Variants in SLC26A3 observed in about 807,000 individuals in gnomAD.
The protein encoded by SLC26A3 is chloride anion exchanger.
A neutral mutation model predicts 85.6 loss-of-function variants in SLC26A3; 64 were observed. That is an observed-to-expected ratio of 0.75 (90% CI 0.61 to 0.92). SLC26A3 has a LOEUF of 0.92. SLC26A3 is among the 40% of genes least tolerant of loss of function. SLC26A3 has a pLI of 0.00. For synonymous variants in SLC26A3, 349 were observed against 336.0 expected, an observed-to-expected ratio of 1.04 and a Z score of -0.42; for missense variants, 922 against 927.3, an observed-to-expected ratio of 0.99 and a Z score of 0.07.
intron 1 of SLC26A3, among the ~76,000 whole-genome samples, chr7:107,799,120 G>T (rs183080097): frequency 6.6e-6 from 1 of 152,210 alleles, no homozygotes; most frequent in East Asian, 1.9e-4. Context: ...GGAGGGGAGG[G>T]GTCTCAGCAC....
intron 20 of SLC26A3, among the ~76,000 whole-genome samples, chr7:107,766,241 G>A (rs1793912996): frequency 6.6e-6 from 1 of 152,056 alleles, no homozygotes. Context: ...GGTGTTAAAT[G>A]TTTCTTTTTT....
intron 1 of SLC26A3, among the ~76,000 whole-genome samples, chr7:107,797,692 A>G (rs1794532230): frequency 6.7e-6 from 1 of 149,772 alleles, no homozygotes; most frequent in Admixed American, 6.6e-5. Flanking sequence ...ATAGTCATAA[A>G]TTAATGACAT....
chr7:107,791,993 C>T (rs1025961046), intron 3 of SLC26A3, 53 bp from the exon 4 acceptor site: 3 of 1,069,132 alleles, frequency 2.8e-6, no homozygotes, highest in Non-Finnish European at 4.4e-6. Context: ...GAATCAAAGA[C>T]ATTCTCATTT....
At chr7:107,790,249 G>A (rs1194028804) in intron 5 of SLC26A3, among the ~76,000 whole-genome samples, 3 of 152,138 alleles carry the variant, frequency 2.0e-5, no homozygotes, top group East Asian at 1.9e-4. Flanking sequence ...CGAGTGAATC[G>A]GATGGATTCT....
At chr7:107,781,025 CT>C (rs1004424336) in intron 11 of SLC26A3, among the ~76,000 whole-genome samples, 5 of 151,692 alleles carry the variant, frequency 3.3e-5, no homozygotes, top group Non-Finnish European at 4.4e-5. Context: ...TGCGAAGAGA[CT>C]TTTTTTTTCC....
Position 107,787,524 on chromosome 7 carries a change from A to G in SLC26A3, c.736-15T>C. Reference sequence around the variant, plus strand: ...GAGTATAGTACCTACAATTATAAAAACAAAAACCACCAAAGCCCTATATTA... The same window carrying G: ...GAGTATAGTACCTACAATTATAAAAGCAAAAACCACCAAAGCCCTATATTA... On this transcript the variant is annotated splice_polypyrimidine_tract_variant and intron_variant, in intron 6 of 20. Coordinates refer to ENST00000340010, the MANE Select transcript of SLC26A3 (RefSeq NM_000111.3). 1 of 1,609,388 alleles carries G rather than the reference A, an allele frequency of 6.2e-7. No individual in the cohort carries two copies. Among genetic ancestry groups the G allele is most frequent in the South Asian group, 1.1e-5 (1 of 90,832 alleles).
chr7:107,786,182 T>C (rs957208580), intron 8 of SLC26A3, among the ~76,000 whole-genome samples: 1 of 152,186 alleles, frequency 6.6e-6, no homozygotes, highest in Non-Finnish European at 1.5e-5. Context: ...TCTTTGAACT[T>C]TCAGAACTTG....
rs374579770 is a variant in SLC26A3 at position 107,799,722 on chromosome 7, C to T, written c.-89+3389G>A. Among the ~76,000 whole-genome samples, 7 of 152,228 alleles carry T rather than the reference C, an allele frequency of 4.6e-5. No individual in the cohort carries two copies. The South Asian group carries it at 6.2e-4, about 14-fold the overall frequency. ...TTTCCTTAAAGCAAAAGGAGGAGAC[C>T]ATTATTTTCCTTCTAGGGCTGTTCT... On this transcript the variant is annotated intron_variant, in intron 1 of 20. Transcript: ENST00000340010.
At chr7:107,771,969 T>C in intron 18 of SLC26A3, 85 bp downstream of exon 18, 1 of 900,338 alleles carries the variant, frequency 1.1e-6, no homozygotes, top group Non-Finnish European at 1.9e-6. Context: ...AAAATACTCA[T>C]TCTTTGGAGA....
rs1303076400 is a variant in SLC26A3 at position 107,773,855 on chromosome 7, A to G, written c.2007+65T>C. ...CATGAGCCACTGTGCCCAGCCCACAAATACAATTTTTTTTTTAACCTTTAG... is the reference window on the plus strand; with the variant it reads ...CATGAGCCACTGTGCCCAGCCCACAGATACAATTTTTTTTTTAACCTTTAG... On this transcript the variant is annotated intron_variant, in intron 17 of 20. Coordinates refer to ENST00000340010, the MANE Select transcript of SLC26A3 (RefSeq NM_000111.3). 4 of 1,376,954 alleles carry G rather than the reference A, an allele frequency of 2.9e-6. No individual in the cohort carries two copies. In the African/African-American group the frequency reaches 5.7e-5, roughly 20 times the overall value. 85.3% of individuals were successfully genotyped at this position (1,376,954 alleles called of 1,614,324 possible). A position where few individuals can be genotyped will look rare whatever the true frequency, so the allele number is the denominator to read the frequency against.
At chr7:107,784,697 G>C (rs759487100) in intron 8 of SLC26A3, among the ~76,000 whole-genome samples, 3 of 152,182 alleles carry the variant, frequency 2.0e-5, no homozygotes, top group Non-Finnish European at 4.4e-5. Context: ...CTCCCAACGT[G>C]CTGAGATTAC....
At position 107,771,535 on chromosome 7, in the gene SLC26A3, A is replaced by G. The variant is rs147550135; in HGVS notation, c.2062+519T>C. On this transcript the variant is annotated intron_variant, in intron 18 of 20. Coordinates refer to ENST00000340010, the MANE Select transcript of SLC26A3 (RefSeq NM_000111.3). ...GAGATGTTTGAGAGGTAGGAGGTGAATAAGAACTGTCCTGCCAGAGTCAGG... is the reference window on the plus strand; with the variant it reads ...GAGATGTTTGAGAGGTAGGAGGTGAGTAAGAACTGTCCTGCCAGAGTCAGG... Among the ~76,000 whole-genome samples, 5 of 152,288 alleles carry G rather than the reference A, an allele frequency of 3.3e-5. No homozygotes were observed. In the East Asian group the frequency reaches 9.7e-4, roughly 29 times the overall value.
chr7:107,783,046 T>C lies in SLC26A3; in HGVS notation c.1167A>G (p.Arg389=), dbSNP rs747047074. ...GLGNIVCGVF[R]GFAGSTALSR... ...AGAGGGCAGTACTCCCAGCAAATCC[T>C]CTGAATACTCCACAGACTATGTTAC... is the stretch of plus-strand genomic sequence containing the variant. The change falls in exon 10 of 21, where the codon AGA becomes AGG. Residue 389 remains arginine, a synonymous_variant. Transcript: ENST00000340010. 101 of 1,614,080 alleles carry C rather than the reference T, an allele frequency of 6.3e-5. No individual in the cohort carries two copies. Among genetic ancestry groups the C allele is most frequent in the Non-Finnish European group, 8.3e-5 (98 of 1,180,024 alleles).
At chr7:107,790,810 C>G (rs566409845) in intron 5 of SLC26A3, among the ~76,000 whole-genome samples, 1 of 152,216 alleles carries the variant, frequency 6.6e-6, no homozygotes, top group Admixed American at 6.5e-5. Context: ...TTGTGCCTCT[C>G]CATTCCCCTT....
rs749041348 is a variant in SLC26A3 at position 107,791,857 on chromosome 7, A to G, written c.355T>C (p.Phe119Leu). ...ACGGATATGTGTCTGGAAGTGCCGA[A>G]GAAAAGGTAGATTATGGCTGGGAAA... ...SFFPAIIYLF[F>L]GTSRHISVGP... Residue 119 changes from phenylalanine to leucine, a missense_variant, in exon 4 of 21, where the codon TTC (phenylalanine) becomes CTC (leucine). Phe to Leu is a conservative substitution (Grantham distance 22, BLOSUM62 0). Coordinates refer to ENST00000340010, the MANE Select transcript of SLC26A3 (RefSeq NM_000111.3). 9.3e-6 allele frequency: 15 copies of G among 1,613,162 alleles called. No individual in the cohort carries two copies. The highest frequency in any genetic ancestry group is 5.1e-6 in the Non-Finnish European group (6 of 1,179,264).
chr7:107,769,111 C>G (rs899932933), intron 18 of SLC26A3, among the ~76,000 whole-genome samples: 5 of 152,036 alleles, frequency 3.3e-5, no homozygotes, highest in African/African-American at 4.8e-5. Context: ...TATAAGGAAG[C>G]CTTGACAATG....
chr7:107,792,068 A>C (rs561317581), intron 3 of SLC26A3, 128 bp from the exon 4 acceptor site: 15 of 646,054 alleles, frequency 2.3e-5, no homozygotes, highest in Non-Finnish European at 4.0e-5. Context: ...AAATGTATTA[A>C]AGATGTAAAT....
intron 1 of SLC26A3, among the ~76,000 whole-genome samples, chr7:107,796,299 T>A (rs1584414085): frequency 3.3e-5 from 5 of 152,066 alleles, no homozygotes; most frequent in African/African-American, 1.2e-4. Flanking sequence ...GAGGCAGGGA[T>A]CTTTCATATG....
At chr7:107,772,693 T>A (rs887474778) in intron 17 of SLC26A3, among the ~76,000 whole-genome samples, 1 of 152,194 alleles carries the variant, frequency 6.6e-6, no homozygotes, top group Non-Finnish European at 1.5e-5. Flanking sequence ...TCAGAACCTC[T>A]TCTAGGCACT....
Sources: gnomAD v4.1 joint callset for allele counts (sites outside exome capture counted in the v4.1 genomes callset) on GRCh38, gnomAD v4.1.1 for gene constraint, MANE v1.5 for transcripts, NCBI Gene and HGNC (gene_info 2026-07-23, HGNC 2026-07-21) for gene names.